Variants in PTRH1 observed in about 807,000 individuals in gnomAD.
PTRH1 encodes peptidyl-tRNA hydrolase 1 homolog.
PTRH1 carries 13 observed loss-of-function variants against 15.7 expected under a neutral mutation model. The ratio of observed to expected loss-of-function variants is 0.83; its 90% CI spans 0.54 to 1.31. The LOEUF (loss-of-function observed/expected upper bound fraction) is 1.31, where lower values mean the gene tolerates loss of function less well. PTRH1 is among the 40% of genes most tolerant of loss of function. The pLI is 0.00. For synonymous variants in PTRH1, 139 were observed against 136.7 expected (o/e 1.02, Z -0.12); for missense variants, 319 against 296.2 (o/e 1.08, Z -0.56).
At chr9:127,712,185 C>T, downstream of PTRH1, 1 of 1,613,628 alleles carries the variant, frequency 6.2e-7, no homozygotes, top group East Asian at 2.2e-5. Flanking sequence ...TGACTCATCC[C>T]AGTTGGGGTC....
intron 1 of PTRH1, among the ~76,000 whole-genome samples, chr9:127,706,255 C>G (rs1179891560): frequency 1.3e-5 from 2 of 152,122 alleles, no homozygotes; most frequent in South Asian, 4.1e-4. Flanking sequence ...GTTTCTGACC[C>G]GTCACCGTGA....
chr9:127,711,029 G>A (rs1842753960), downstream of PTRH1, among the ~76,000 whole-genome samples: 1 of 152,124 alleles, frequency 6.6e-6, no homozygotes, highest in African/African-American at 2.4e-5. Flanking sequence ...CTTAACAGGT[G>A]GGAGTACATT....
intron 2 of PTRH1, chr9:127,694,861 T>A: frequency 1.6e-6 from 1 of 636,466 alleles, no homozygotes. Context: ...GTGGGTTCCA[T>A]CTCTTCTGGG....
downstream of PTRH1, chr9:127,713,635 T>G (rs144872684): frequency 8.7e-3 from 3,938 of 454,024 alleles, 132 homozygotes; most frequent in African/African-American, 0.071. Context: ...GTCTCCCAAG[T>G]AGCAGGGATT....
intron 1 of PTRH1, chr9:127,695,214 C>T: frequency 1.6e-6 from 1 of 632,040 alleles, no homozygotes; most frequent in Non-Finnish European, 2.9e-6. Flanking sequence ...AACAGATAAA[C>T]TGTGTATTCA....
At position 127,714,399 on chromosome 9, in the gene PTRH1, T is replaced by C; in HGVS notation, c.442A>G (p.Ile148Val). Residue 148 changes from isoleucine (I) to valine (V), a missense_variant, in exon 4 of 5, where the codon ATT becomes GTT. Physicochemically the swap from Ile to Val is conservative, Grantham distance 29. Coordinates refer to ENST00000543175, the MANE Select transcript of PTRH1 (RefSeq NM_001002913.3). ...ARGHNGVRSCISCLNSNAMPR... is the reference protein window; with the variant it reads ...ARGHNGVRSCVSCLNSNAMPR... ...CTCACATTGGAGTTGAGGCAGCTAATGCAGGAACGGACTCCATTGTGGCCC... is the reference window on the plus strand; with the variant it reads ...CTCACATTGGAGTTGAGGCAGCTAACGCAGGAACGGACTCCATTGTGGCCC... 1 of 1,614,216 alleles carries C rather than the reference T, an allele frequency of 6.2e-7. No homozygotes were observed. Among genetic ancestry groups the C allele is most frequent in the South Asian group, 1.1e-5 (1 of 91,088 alleles).
chr9:127,714,187 C>T lies in PTRH1; in HGVS notation c.558G>A (p.Glu186=), dbSNP rs762138186. The change falls in exon 5 of 5, where the codon GAG becomes GAA. Residue 186 remains glutamate, a synonymous_variant. Transcript: ENST00000543175. The part of the protein sequence containing the change: ...VLGCFSPAEQ[E]LLPLLLDRAT... ...CTCGATCCAGCAACAGAGGCAGCAG[C>T]TCCTGCTCAGCAGGGGAGAAGCAGC... is the stretch of plus-strand genomic sequence containing the variant. 3.1e-6 allele frequency: 5 copies of T among 1,613,970 alleles called. No homozygotes were observed. The highest frequency in any genetic ancestry group is 4.2e-6 in the Non-Finnish European group (5 of 1,180,018).
At chr9:127,695,246 G>A (rs936729814) in intron 1 of PTRH1, 1 of 597,662 alleles carries the variant, frequency 1.7e-6, no homozygotes, top group African/African-American at 1.9e-5. Flanking sequence ...GTTTAAAGCA[G>A]TTAAAAATGC....
intron 2 of PTRH1, chr9:127,694,882 A>G: frequency 1.5e-6 from 1 of 661,638 alleles, no homozygotes; most frequent in Non-Finnish European, 2.8e-6. Context: ...TACAGGAAGC[A>G]GAAGGCCAGA....
chr9:127,709,209 G>GA (rs1345655656), downstream of PTRH1, among the ~76,000 whole-genome samples: 1 of 152,260 alleles, frequency 6.6e-6, no homozygotes, highest in Non-Finnish European at 1.5e-5. This position sits in a 1 kb window ranked among gnomAD's most constrained non-coding sequence, Gnocchi z 4.7. Context: ...ACATTCTAGT[G>GA]ATGTAATGAA....
rs1842829239 is a variant in PTRH1 at position 127,713,852 on chromosome 9, C to G, written c.*248G>C. 1.2e-6 allele frequency: 2 copies of G among 1,613,902 alleles called. No individual in the cohort carries two copies. Among genetic ancestry groups the G allele is most frequent in the South Asian group, 2.2e-5 (2 of 91,070 alleles). ...CTTACAGATGCGTGCCCCTGGTTCTCTAAAAAGGCTTGAAAAGTTTAGTCT... is the reference window on the plus strand; with the variant it reads ...CTTACAGATGCGTGCCCCTGGTTCTGTAAAAAGGCTTGAAAAGTTTAGTCT... On this transcript the variant is annotated 3_prime_UTR_variant, in exon 5 of 5. Transcript: ENST00000543175.
chr9:127,710,491 C>A, downstream of PTRH1: 1 of 1,348,778 alleles, frequency 7.4e-7, no homozygotes, highest in South Asian at 1.4e-5. Flanking sequence ...ACTGAGACCA[C>A]ACAGGGCGCA....
rs1264684217 is a variant in PTRH1, at chr9:127,714,290, A to G, written c.463-8T>C. The G allele has an allele frequency of 6.2e-7, 1 of 1,613,976 alleles. No individual in the cohort carries two copies. Among genetic ancestry groups the G allele is most frequent in the Admixed American group, 1.7e-5 (1 of 60,024 alleles). On this transcript the variant is annotated splice_region_variant and splice_polypyrimidine_tract_variant and intron_variant, in intron 4 of 4. Coordinates refer to ENST00000543175, the MANE Select transcript of PTRH1 (RefSeq NM_001002913.3). The stretch of plus-strand genomic sequence containing the variant: ...CCGCAGCCTTGGCATTGCCTGTGGG[A>G]GAGCCAGAGAGGCCCAGGAAGCTTT...
intron 1 of PTRH1, among the ~76,000 whole-genome samples, chr9:127,699,715 G>GA (rs1842590129): frequency 6.8e-6 from 1 of 147,748 alleles, no homozygotes; most frequent in Non-Finnish European, 1.5e-5. Flanking sequence ...GGCTATCAGG[G>GA]GAAAAAAAAA....
At chr9:127,706,233 C>T (rs1251803466) in intron 1 of PTRH1, among the ~76,000 whole-genome samples, 1 of 152,144 alleles carries the variant, frequency 6.6e-6, no homozygotes, top group East Asian at 1.9e-4. Context: ...AAAAATGCCC[C>T]CACCTCCCTG....
intron 2 of PTRH1, 100 bp downstream of exon 2, chr9:127,714,875 G>T: frequency 1.8e-6 from 2 of 1,128,526 alleles, no homozygotes; most frequent in African/African-American, 1.5e-5. Context: ...ACTTGGAGGT[G>T]AACCCGCGGA....
intron 1 of PTRH1, among the ~76,000 whole-genome samples, chr9:127,699,226 A>G (rs1842585321): frequency 6.6e-6 from 1 of 152,168 alleles, no homozygotes; most frequent in African/African-American, 2.4e-5. Context: ...CAAAATGCCC[A>G]AGGAACCCCT....
At chr9:127,696,743 T>A (rs962546770) in intron 1 of PTRH1, among the ~76,000 whole-genome samples, 2 of 152,126 alleles carry the variant, frequency 1.3e-5, no homozygotes, top group African/African-American at 4.8e-5. Flanking sequence ...ACACCTGTAA[T>A]CCCAGTTACT....
chr9:127,699,859 C>G (rs1842591585), intron 1 of PTRH1, among the ~76,000 whole-genome samples: 1 of 152,036 alleles, frequency 6.6e-6, no homozygotes. Flanking sequence ...GGATTTGACT[C>G]CTGACTTCCC....
Sources: gnomAD v4.1 joint callset for allele counts (sites outside exome capture counted in the v4.1 genomes callset) on GRCh38, gnomAD v4.1.1 for gene constraint, Gnocchi (gnomAD v3.1) non-coding constraint, MANE v1.5 for transcripts, NCBI Gene and HGNC (gene_info 2026-07-23, HGNC 2026-07-21) for gene names.